PDE7A: variants seen among roughly 807,000 people sequenced by gnomAD.
The protein encoded by PDE7A is phosphodiesterase 7A, also known as high affinity 3',5'-cyclic-AMP phosphodiesterase 7A.
A neutral mutation model predicts 64.3 loss-of-function variants in PDE7A; 39 were observed. The ratio of observed to expected loss-of-function variants is 0.61; its 90% CI spans 0.47 to 0.79. The LOEUF (loss-of-function observed/expected upper bound fraction) is 0.79, where lower values mean the gene tolerates loss of function less well. Ranked by LOEUF, PDE7A falls within the 30% of genes least tolerant of loss-of-function variation. The probability of loss-of-function intolerance (pLI) is 0.00; values close to 1 mark genes in which losing one functional copy is unlikely to be tolerated. For missense variants in PDE7A, 470 were observed against 582.8 expected, an observed-to-expected ratio of 0.81 and a Z score of 1.99; for synonymous variants, 203 against 206.8, an observed-to-expected ratio of 0.98 and a Z score of 0.16.
chr8:65,753,340 G>C (rs1808056887), intron 3 of PDE7A, among the ~76,000 whole-genome samples: 2 of 152,102 alleles, frequency 1.3e-5, no homozygotes, highest in African/African-American at 4.8e-5. Context: ...CTACCCAAAT[G>C]GCTCTCTCCT....
intron 3 of PDE7A, among the ~76,000 whole-genome samples, chr8:65,767,903 C>A (rs886303711): frequency 6.6e-6 from 1 of 152,144 alleles, no homozygotes; most frequent in Non-Finnish European, 1.5e-5. Context: ...TCCTGGGAAC[C>A]GCAACCTGAA....
chr8:65,741,681 A>G (rs1807443641), intron 5 of PDE7A, among the ~76,000 whole-genome samples: 2 of 152,242 alleles, frequency 1.3e-5, no homozygotes, highest in Non-Finnish European at 2.9e-5. Context: ...GTGTGGAGCC[A>G]TTTCTGAAGA....
chr8:65,755,575 T>C (rs1335240884), intron 3 of PDE7A, among the ~76,000 whole-genome samples: 2 of 152,234 alleles, frequency 1.3e-5, no homozygotes, highest in Non-Finnish European at 2.9e-5. Flanking sequence ...TACATCTTTA[T>C]ATGTGTGTGC....
rs556188890 is a variant in PDE7A, at chr8:65,819,973, A to T, written c.138+21398T>A. 5.9e-5 allele frequency among the ~76,000 whole-genome samples: 9 copies of T among 152,388 alleles called. No individual in the cohort carries two copies. In the South Asian group the frequency reaches 1.9e-3, roughly 32 times the overall value. On this transcript the variant is annotated intron_variant, in intron 1 of 12. Transcript: ENST00000401827. ...CACAGACTGAAGTGTGAAATTGTAC[A>T]ACCATGACAAGTGGATCCCTGTATT...
At chr8:65,837,847 A>G (rs529926691) in intron 1 of PDE7A, among the ~76,000 whole-genome samples, 2 of 152,286 alleles carry the variant, frequency 1.3e-5, no homozygotes, top group East Asian at 3.9e-4. Flanking sequence ...CTGCTCAACA[A>G]CAGCAACAAA....
chr8:65,771,884 C>CAAAAAAAAAAAAAAAA (rs36101490), intron 3 of PDE7A, among the ~76,000 whole-genome samples: 6 of 55,788 alleles, frequency 1.1e-4, no homozygotes, highest in Admixed American at 2.4e-4. Context: ...CTCCATCTCT[C>CAAAAAAAAAAAAAAAA]AAAAAAAAAA....
chr8:65,784,700 G>T (rs1054754341), intron 1 of PDE7A, among the ~76,000 whole-genome samples: 2 of 151,610 alleles, frequency 1.3e-5, no homozygotes, highest in African/African-American at 4.8e-5. Flanking sequence ...TATGACAAAG[G>T]GCTAATTTTC....
chr8:65,762,991 A>ATGTATGTG (rs1432255688), intron 3 of PDE7A, among the ~76,000 whole-genome samples: 1 of 138,514 alleles, frequency 7.2e-6, no homozygotes, highest in Non-Finnish European at 1.6e-5. Context: ...TATAAAAACA[A>ATGTATGTG]TGTGTGTGTG....
intron 1 of PDE7A, among the ~76,000 whole-genome samples, chr8:65,825,530 G>A (rs1005957210): frequency 6.6e-6 from 1 of 152,028 alleles, no homozygotes; most frequent in Non-Finnish European, 1.5e-5. Context: ...AAACTTCAAC[G>A]CATTCTTAAA....
In PDE7A at chr8:65,789,010, T is replaced by A. The variant is rs937534352; in HGVS notation, c.139-6167A>T. On this transcript the variant is annotated intron_variant, in intron 1 of 12. Coordinates refer to ENST00000401827, the MANE Select transcript of PDE7A (RefSeq NM_001242318.3). ...GGGAGCAAGGAAAACTTCTTAGGAG[T>A]CTGATAAATACCAGCTGTCCCGAGG... 7 of 1,591,052 alleles carry A rather than the reference T, an allele frequency of 4.4e-6. No individual in the cohort carries two copies. In the Admixed American group the frequency reaches 6.8e-5, roughly 15 times the overall value.
In PDE7A at chr8:65,748,097, G is replaced by GTT. The variant is rs199665356; in HGVS notation, c.284-296_284-295dup. 2.9e-4 allele frequency among the ~76,000 whole-genome samples: 42 copies of GTT among 142,608 alleles called. 1 individual carries two copies. The South Asian group carries it at 7.5e-3, about 26-fold the overall frequency. The allele number at this position is 142,608 out of a possible 152,430, so 93.6% of individuals were successfully genotyped here. ...CTGGTGGGATTAATAATCACGGTTT[G>GTT]TTTTTTTTTTTAACTTTAAAATACT... On this transcript the variant is annotated intron_variant, in intron 3 of 12. Coordinates refer to ENST00000401827, the MANE Select transcript of PDE7A (RefSeq NM_001242318.3).
At chr8:65,817,588 T>C (rs1425158980) in intron 1 of PDE7A, among the ~76,000 whole-genome samples, 2 of 152,196 alleles carry the variant, frequency 1.3e-5, no homozygotes, top group Admixed American at 6.5e-5. Flanking sequence ...TTGTGTTCCA[T>C]GACCTTGACA....
chr8:65,753,460 C>T (rs1339928416), intron 3 of PDE7A, among the ~76,000 whole-genome samples: 1 of 152,294 alleles, frequency 6.6e-6, no homozygotes, highest in East Asian at 1.9e-4. Context: ...AGATCCTAGA[C>T]CAGATGTGGA....
chr8:65,770,800 C>T (rs1268445764), intron 3 of PDE7A: 1 of 156,410 alleles, frequency 6.4e-6, no homozygotes, highest in Non-Finnish European at 1.4e-5. Context: ...ACAATTTGAA[C>T]TTCTTCCACC....
chr8:65,721,506 A>C (rs1345812427), intron 12 of PDE7A, among the ~76,000 whole-genome samples: 1 of 152,150 alleles, frequency 6.6e-6, no homozygotes, highest in African/African-American at 2.4e-5. Context: ...CCGGTCCCCT[A>C]GGGTTGTTGT....
intron 3 of PDE7A, among the ~76,000 whole-genome samples, chr8:65,758,467 A>G (rs1808341328): frequency 6.6e-6 from 1 of 152,172 alleles, no homozygotes; most frequent in South Asian, 2.1e-4. Context: ...ATTTATAGTC[A>G]TATCAGCATC....
At chr8:65,719,839 C>A in intron 12 of PDE7A, 1 of 273,060 alleles carries the variant, frequency 3.7e-6, no homozygotes, top group Non-Finnish European at 7.1e-6. Flanking sequence ...TAGCCCAATT[C>A]GAGGCAGAGT....
At chr8:65,723,474 A>G in intron 12 of PDE7A, 67 bp downstream of exon 12, 1 of 1,299,880 alleles carries the variant, frequency 7.7e-7, no homozygotes, top group Non-Finnish European at 1.0e-6. Context: ...TATTTCAAAT[A>G]TATTTCCCTT....
intron 3 of PDE7A, among the ~76,000 whole-genome samples, chr8:65,749,077 A>G (rs988430328): frequency 2.0e-5 from 3 of 152,184 alleles, no homozygotes; most frequent in Non-Finnish European, 4.4e-5. Context: ...TGGGAAGCAC[A>G]TTCAGTACAC....
Sources: allele counts gnomAD v4.1 joint callset (sites outside exome capture counted in the v4.1 genomes callset), GRCh38; gene constraint gnomAD v4.1.1; transcripts MANE v1.5; gene names NCBI Gene and HGNC (gene_info 2026-07-23, HGNC 2026-07-21).